The following IRAG1 variants were observed in gnomAD, a reference collection of about 807,000 sequenced individuals.
IRAG1 encodes the protein inositol 1,4,5-triphosphate receptor associated 1.
A neutral mutation model predicts 106.2 loss-of-function variants in IRAG1; 62 were observed. The observed-to-expected ratio is 0.58, with a 90% CI of 0.48 to 0.72. The LOEUF (loss-of-function observed/expected upper bound fraction) is 0.72, where lower values mean the gene tolerates loss of function less well. Among genes scored for constraint, IRAG1 ranks in the 30% least tolerant of loss-of-function variants. The pLI, the probability that IRAG1 is intolerant of heterozygous loss-of-function variation, is 0.00. For synonymous variants in IRAG1, 462 were observed against 443.9 expected, an observed-to-expected ratio of 1.04 and a Z score of -0.51; for missense variants, 1,064 against 1,140.7, an observed-to-expected ratio of 0.93 and a Z score of 0.97.
intron 3 of IRAG1, among the ~76,000 whole-genome samples, chr11:10,632,793 T>C (rs1051175815): frequency 5.3e-5 from 8 of 152,230 alleles, no homozygotes; most frequent in African/African-American, 1.2e-4. Context: ...ATGTAAATCA[T>C]TGTTGTCTGA....
At chr11:10,633,803 G>GA (rs1381418457) in intron 3 of IRAG1, among the ~76,000 whole-genome samples, 165 bp downstream of exon 3, 1 of 152,078 alleles carries the variant, frequency 6.6e-6, no homozygotes, top group African/African-American at 2.4e-5. Flanking sequence ...GAAGATAATG[G>GA]AAAAATTCCT....
intron 20 of IRAG1, among the ~76,000 whole-genome samples, chr11:10,578,521 G>T (rs1329151030): frequency 6.6e-6 from 1 of 152,214 alleles, no homozygotes. Context: ...TCTCTTAAGC[G>T]ATCAGCAGCT....
At chr11:10,652,522 G>T in intron 1 of IRAG1, 1 of 375,846 alleles carries the variant, frequency 2.7e-6, no homozygotes, top group Non-Finnish European at 4.7e-6. Context: ...ACCACTTACT[G>T]AGCACCTACT....
At chr11:10,598,697 T>C (rs900320950) in intron 15 of IRAG1, among the ~76,000 whole-genome samples, 188 of 152,354 alleles carry the variant, frequency 1.2e-3, no homozygotes, top group African/African-American at 4.3e-3. Flanking sequence ...AAATGGGTTA[T>C]TTGAAAATAA....
At chr11:10,602,450 A>T (rs1055312435) in intron 14 of IRAG1, among the ~76,000 whole-genome samples, 1 of 152,196 alleles carries the variant, frequency 6.6e-6, no homozygotes, top group Non-Finnish European at 1.5e-5. Flanking sequence ...CAGCGAATGA[A>T]GGTTGGAGCC....
chr11:10,636,294 C>A (rs1015250107), intron 2 of IRAG1, among the ~76,000 whole-genome samples: 6 of 152,190 alleles, frequency 3.9e-5, no homozygotes, highest in African/African-American at 1.4e-4. Flanking sequence ...CCTGGTTCAG[C>A]CTCCTGAGTA....
chr11:10,682,944 G>A (rs527439587), intron 1 of IRAG1, among the ~76,000 whole-genome samples: 1 of 152,316 alleles, frequency 6.6e-6, no homozygotes, highest in South Asian at 2.1e-4. Flanking sequence ...GAGACCAGGA[G>A]CTTCTGGAAC....
rs1463275569 is a variant in IRAG1 at position 10,574,935 on chromosome 11, T to C, written c.*1397A>G. 1 of 152,212 alleles carries C rather than the reference T, an allele frequency of 6.6e-6. No homozygotes were observed. The highest frequency in any genetic ancestry group is 1.9e-4 in the East Asian group (1 of 5,208). 9.4% of individuals were successfully genotyped at this position (152,212 alleles called of 1,614,324 possible). Reference sequence around the variant, plus strand: ...TTATTTGAAAATGGGAAGGGTAATATCCACTTCGTATTTTTTTTTCTTTTT... The same window carrying C: ...TTATTTGAAAATGGGAAGGGTAATACCCACTTCGTATTTTTTTTTCTTTTT... On this transcript the variant is annotated 3_prime_UTR_variant, in exon 21 of 21. Transcript: ENST00000423302.
intron 2 of IRAG1, among the ~76,000 whole-genome samples, chr11:10,651,804 G>A (rs1451026679): frequency 6.6e-6 from 1 of 152,186 alleles, no homozygotes; most frequent in Non-Finnish European, 1.5e-5. Flanking sequence ...AGCCTAGATG[G>A]TTGGTTCTAT....
intron 1 of IRAG1, chr11:10,658,256 CT>C (rs1859086730): frequency 6.6e-6 from 1 of 152,320 alleles, no homozygotes; most frequent in African/African-American, 2.4e-5. Context: ...GCTTCCTAAC[CT>C]TGGCCTGCTC....
chr11:10,655,292 C>T (rs1262243854), intron 1 of IRAG1, among the ~76,000 whole-genome samples: 1 of 152,116 alleles, frequency 6.6e-6, no homozygotes, highest in South Asian at 2.1e-4. Flanking sequence ...CAAATTGGGA[C>T]ATGTTTTGAA....
chr11:10,610,924 C>A (rs1412076205), intron 10 of IRAG1, among the ~76,000 whole-genome samples: 1 of 152,120 alleles, frequency 6.6e-6, no homozygotes, highest in Non-Finnish European at 1.5e-5. Flanking sequence ...GGATTTTAAC[C>A]TGGTAGCTTT....
chr11:10,620,137 G>T (rs1460549270), intron 10 of IRAG1, among the ~76,000 whole-genome samples: 3 of 151,994 alleles, frequency 2.0e-5, no homozygotes, highest in Non-Finnish European at 1.5e-5. Context: ...TTTCTATAAA[G>T]ATCTATGTAA....
intron 1 of IRAG1, among the ~76,000 whole-genome samples, chr11:10,676,713 G>A (rs10840468): frequency 0.4 from 60,914 of 152,004 alleles, 12,555 homozygotes; most frequent in African/African-American, 0.47. Flanking sequence ...GGATGAGACC[G>A]TGGATCCAGC....
At chr11:10,597,327 A>G (rs1171901932) in intron 15 of IRAG1, among the ~76,000 whole-genome samples, 1 of 152,026 alleles carries the variant, frequency 6.6e-6, no homozygotes, top group Non-Finnish European at 1.5e-5. Context: ...TATGTCTCCA[A>G]TAATTTTTGT....
intron 8 of IRAG1, among the ~76,000 whole-genome samples, chr11:10,627,026 T>C (rs1001544570): frequency 1.3e-5 from 2 of 152,206 alleles, no homozygotes; most frequent in African/African-American, 4.8e-5. Context: ...CAGAGTTCCA[T>C]GATCCAAAGA....
intron 1 of IRAG1, among the ~76,000 whole-genome samples, chr11:10,652,809 C>T (rs766845753): frequency 2.0e-5 from 3 of 152,118 alleles, no homozygotes; most frequent in Non-Finnish European, 4.4e-5. Flanking sequence ...GACACCTCCC[C>T]TCATGCTCTT....
chr11:10,604,259 A>G (rs1854291399), intron 13 of IRAG1, 146 bp downstream of exon 13: 1 of 1,066,964 alleles, frequency 9.4e-7, no homozygotes, highest in Admixed American at 2.7e-5. Context: ...GTTCCCCCCA[A>G]CTCTCTGAGG....
intron 18 of IRAG1, among the ~76,000 whole-genome samples, chr11:10,582,651 G>C (rs917135586): frequency 2.2e-4 from 33 of 152,190 alleles, no homozygotes; most frequent in Admixed American, 1.2e-3. Flanking sequence ...TGAGAAGTCA[G>C]ATGTATTAAT....
Sources: gnomAD v4.1 joint callset for allele counts (sites outside exome capture counted in the v4.1 genomes callset) on GRCh38, gnomAD v4.1.1 for gene constraint, MANE v1.5 for transcripts, NCBI Gene and HGNC (gene_info 2026-07-23, HGNC 2026-07-21) for gene names.